CFAP61: variants seen among roughly 807,000 people sequenced by gnomAD.
CFAP61 encodes the protein cilia- and flagella-associated protein 61.
Under a neutral mutation model 135.6 loss-of-function variants are expected in CFAP61, and 107 were observed. That is an observed-to-expected ratio of 0.79 (90% CI 0.67 to 0.93). CFAP61 has a LOEUF of 0.93. CFAP61 is among the 40% of genes least tolerant of loss of function. CFAP61 has a pLI of 0.00. For synonymous variants in CFAP61, 575 were observed against 578.5 expected (o/e 0.99, Z 0.09); for missense variants, 1,507 against 1,556.2 (o/e 0.97, Z 0.53).
At chr20:20,116,398 T>G (rs1229978772) in intron 8 of CFAP61, among the ~76,000 whole-genome samples, 1 of 152,182 alleles carries the variant, frequency 6.6e-6, no homozygotes, top group East Asian at 1.9e-4. Flanking sequence ...ACTTTGTTGA[T>G]TGTCTCCTTT....
At chr20:20,180,603 G>A (rs1231039696) in intron 13 of CFAP61, among the ~76,000 whole-genome samples, 1 of 152,110 alleles carries the variant, frequency 6.6e-6, no homozygotes, top group Non-Finnish European at 1.5e-5. Context: ...ACAGTGTGAC[G>A]ACTCCTCAAA....
chr20:20,241,555 T>A (rs1218352117), intron 18 of CFAP61, among the ~76,000 whole-genome samples: 1 of 152,208 alleles, frequency 6.6e-6, no homozygotes, highest in East Asian at 1.9e-4. Flanking sequence ...ATGTGGTAGT[T>A]TGGTAATTTA....
intron 17 of CFAP61, among the ~76,000 whole-genome samples, chr20:20,216,655 A>T (rs935188585): frequency 3.3e-5 from 5 of 152,190 alleles, no homozygotes; most frequent in African/African-American, 1.2e-4. Flanking sequence ...TATTTTCGTA[A>T]CTACTTCAGA....
chr20:20,090,729 C>A, intron 6 of CFAP61, 115 bp from the exon 7 acceptor site: 148 of 671,282 alleles, frequency 2.2e-4, no homozygotes, highest in Non-Finnish European at 2.9e-4. Context: ...AAGTTGATAT[C>A]ATGAGTGTTG....
At chr20:20,137,242 C>T (rs2051001752) in intron 8 of CFAP61, among the ~76,000 whole-genome samples, 2 of 152,178 alleles carry the variant, frequency 1.3e-5, no homozygotes, top group South Asian at 4.1e-4. Flanking sequence ...GCCCAAGGCC[C>T]ACTGTAACCA....
At chr20:20,238,570 C>T (rs1456155650) in intron 18 of CFAP61, among the ~76,000 whole-genome samples, 5 of 152,342 alleles carry the variant, frequency 3.3e-5, no homozygotes, top group African/African-American at 7.2e-5. Flanking sequence ...CCTGCAGACA[C>T]GCACAGCACA....
chr20:20,161,104 G>A (rs1010755673), intron 10 of CFAP61, among the ~76,000 whole-genome samples: 6 of 152,064 alleles, frequency 3.9e-5, no homozygotes, highest in African/African-American at 9.7e-5. Context: ...TGTGTTTCTG[G>A]GGCAACCCAC....
At chr20:20,200,920 C>T (rs2056586960) in intron 17 of CFAP61, 1 of 985,274 alleles carries the variant, frequency 1.0e-6, no homozygotes, top group East Asian at 1.1e-4. Flanking sequence ...AGGGCACCTC[C>T]ATCAGACCAA....
intron 17 of CFAP61, among the ~76,000 whole-genome samples, chr20:20,209,912 C>G (rs969032210): frequency 3.3e-5 from 5 of 149,526 alleles, no homozygotes; most frequent in African/African-American, 1.3e-4. Flanking sequence ...AAAGTCACCC[C>G]TTGTCCTGGC....
chr20:20,203,467 TTTTA>T (rs1238686447), intron 17 of CFAP61, among the ~76,000 whole-genome samples: 1 of 152,196 alleles, frequency 6.6e-6, no homozygotes, highest in Admixed American at 6.5e-5. Flanking sequence ...TACAAAATTA[TTTTA>T]TTTCTTTAAT....
chr20:20,146,309 G>C (rs184568316), intron 9 of CFAP61, among the ~76,000 whole-genome samples: 10 of 152,338 alleles, frequency 6.6e-5, no homozygotes, highest in Admixed American at 5.2e-4. Flanking sequence ...CCATTGAGGA[G>C]TGAGAATGGG....
chr20:20,314,220 C>CAA (rs74180988), intron 25 of CFAP61, among the ~76,000 whole-genome samples: 19,857 of 95,184 alleles, frequency 0.21, 2,170 homozygotes, highest in South Asian at 0.27. Flanking sequence ...CCCATCTCTA[C>CAA]AAAAAAAAAA....
chr20:20,260,069 A>G (rs2052028954), intron 20 of CFAP61, among the ~76,000 whole-genome samples: 1 of 152,234 alleles, frequency 6.6e-6, no homozygotes, highest in Non-Finnish European at 1.5e-5. Context: ...TTTCAGGGCT[A>G]GTGACCTCTC....
intron 17 of CFAP61, among the ~76,000 whole-genome samples, chr20:20,206,552 T>A (rs2056864951): frequency 1.3e-5 from 2 of 152,222 alleles, no homozygotes; most frequent in African/African-American, 2.4e-5. Flanking sequence ...AATTGGCTTC[T>A]TAGCATGTTT....
At chr20:20,292,372 A>C (rs535019573) in intron 24 of CFAP61, among the ~76,000 whole-genome samples, 1 of 152,324 alleles carries the variant, frequency 6.6e-6, no homozygotes, top group East Asian at 1.9e-4. Context: ...TGCCCTGTAC[A>C]CATGATCTGA....
chr20:20,223,005 T>G (rs1296236447), intron 17 of CFAP61, among the ~76,000 whole-genome samples: 1 of 152,238 alleles, frequency 6.6e-6, no homozygotes, highest in Admixed American at 6.5e-5. Context: ...TTTCATTTCC[T>G]TGTATGGACA....
In CFAP61 at chr20:20,360,268, A is replaced by T; in HGVS notation, c.3572A>T (p.Asn1191Ile). The stretch of plus-strand genomic sequence containing the variant: ...CATCAAATAGAAGATGAGGAAATCA[A>T]CCCGACTGAGAAGCCCAGGCAATAC... The part of the protein sequence containing the change: ...LAHQIEDEEI[N>I]PTEKPRQYLK... The change falls in exon 27 of 27, where the codon AAC (asparagine) becomes ATC (isoleucine). Residue 1191 changes from asparagine to isoleucine, a missense_variant. Transcript: ENST00000245957. 1 of 1,613,980 alleles carries T rather than the reference A, an allele frequency of 6.2e-7. No individual in the cohort carries two copies. The highest frequency in any genetic ancestry group is 1.3e-5 in the African/African-American group (1 of 75,030).
chr20:20,223,273 T>C (rs998313036), intron 17 of CFAP61, among the ~76,000 whole-genome samples: 31 of 152,196 alleles, frequency 2.0e-4, no homozygotes, highest in African/African-American at 7.5e-4. Flanking sequence ...GAGGTTCATG[T>C]AATTTACTAC....
chr20:20,222,394 A>G (rs1266006741), intron 17 of CFAP61, among the ~76,000 whole-genome samples: 1 of 152,190 alleles, frequency 6.6e-6, no homozygotes, highest in South Asian at 2.1e-4. Flanking sequence ...CCCCTGCTAC[A>G]TGATTTTGAG....
Sources: allele counts gnomAD v4.1 joint callset (sites outside exome capture counted in the v4.1 genomes callset), GRCh38; gene constraint gnomAD v4.1.1; transcripts MANE v1.5; gene names NCBI Gene and HGNC (gene_info 2026-07-23, HGNC 2026-07-21).